The following BRINP3 variants were observed in gnomAD, a reference collection of about 807,000 sequenced individuals.
BRINP3 encodes the protein BMP/retinoic acid-inducible neural-specific protein 3.
A neutral mutation model predicts 71.0 loss-of-function variants in BRINP3; 19 were observed. The observed-to-expected ratio is 0.27, with a 90% confidence interval of 0.19 to 0.39. The LOEUF (loss-of-function observed/expected upper bound fraction) is 0.39. Ranked by LOEUF, BRINP3 falls within the 10% of genes least tolerant of loss-of-function variation. The probability of loss-of-function intolerance (pLI) is 1.00; values close to 1 mark genes in which losing one functional copy is unlikely to be tolerated. For missense variants in BRINP3, 959 were observed against 940.8 expected, an observed-to-expected ratio of 1.02 and a Z score of -0.25; for synonymous variants, 380 against 337.7, an observed-to-expected ratio of 1.13 and a Z score of -1.37.
At position 190,395,672 on chromosome 1, in the gene BRINP3, CA is replaced by C. The variant is rs548315048; in HGVS notation, c.236+58982del. On this transcript the variant is annotated intron_variant, in intron 2 of 7. Transcript: ENST00000367462. The stretch of plus-strand genomic sequence containing the variant: ...CTATTGATAACTGTGTATTTGATTA[CA>C]AAAAACCTACCTTCATTCAACTTCA... 5.3e-5 allele frequency among the ~76,000 whole-genome samples: 8 copies of C among 151,656 alleles called. No individual in the cohort carries two copies. The South Asian group carries it at 6.2e-4, about 12-fold the overall frequency.
intron 4 of BRINP3, among the ~76,000 whole-genome samples, chr1:190,245,939 T>A (rs1204040764): frequency 6.6e-6 from 1 of 151,980 alleles, no homozygotes; most frequent in Admixed American, 6.6e-5. Context: ...GAACTCATCA[T>A]TTTTTATGGC....
At chr1:190,261,177 A>T (rs1378556933) in intron 4 of BRINP3, among the ~76,000 whole-genome samples, 1 of 151,968 alleles carries the variant, frequency 6.6e-6, no homozygotes, top group Non-Finnish European at 1.5e-5. Context: ...TGTTTTTCTC[A>T]TCACCGTCAA....
chr1:190,381,854 T>C (rs1220220650), intron 2 of BRINP3, among the ~76,000 whole-genome samples: 1 of 152,116 alleles, frequency 6.6e-6, no homozygotes, highest in East Asian at 1.9e-4. Context: ...TTCATACAGA[T>C]TACTTGTGGA....
chr1:190,420,591 A>G (rs1467095820), intron 2 of BRINP3, among the ~76,000 whole-genome samples: 1 of 151,966 alleles, frequency 6.6e-6, no homozygotes, highest in African/African-American at 2.4e-5. Flanking sequence ...AATTGTCCAT[A>G]TAACTTTAGT....
rs551327859 is a variant in BRINP3 at position 190,469,098 on chromosome 1, A to G, written c.-51+8350T>C. On this transcript the variant is annotated intron_variant, in intron 1 of 7. Transcript: ENST00000367462. ...TAAATTTCTTTTAATAAAATTAACA[A>G]GTTGTTTAAAAAACTCTCTTTGGAG... 3.7e-3 allele frequency among the ~76,000 whole-genome samples: 558 copies of G among 151,222 alleles called. 5 individuals are homozygous for G. Among genetic ancestry groups the G allele is most frequent in the African/African-American group, 0.013 (534 of 41,496 alleles).
intron 3 of BRINP3, among the ~76,000 whole-genome samples, chr1:190,274,122 C>T (rs1318295593): frequency 1.3e-5 from 2 of 151,472 alleles, no homozygotes; most frequent in Admixed American, 1.3e-4. Flanking sequence ...AGGAGGATGG[C>T]ATGTTGCAAA....
chr1:190,138,288 C>A (rs1655142781), intron 7 of BRINP3, among the ~76,000 whole-genome samples: 1 of 152,034 alleles, frequency 6.6e-6, no homozygotes, highest in Admixed American at 6.6e-5. Flanking sequence ...AGATCCCCAG[C>A]AACCCAACAA....
chr1:190,396,734 A>ATATATATG (rs1174499588), intron 2 of BRINP3, among the ~76,000 whole-genome samples: 1 of 144,130 alleles, frequency 6.9e-6, no homozygotes, highest in East Asian at 2.0e-4. Context: ...ATATATATAT[A>ATATATATG]TATATGTAAC....
intron 4 of BRINP3, among the ~76,000 whole-genome samples, chr1:190,239,343 C>T (rs1293176152): frequency 6.6e-6 from 1 of 152,050 alleles, no homozygotes; most frequent in Admixed American, 6.6e-5. Flanking sequence ...ATGAACAAAT[C>T]TCACAAATAC....
intron 6 of BRINP3, among the ~76,000 whole-genome samples, chr1:190,176,078 A>G (rs1252437188): frequency 6.6e-6 from 1 of 152,178 alleles, no homozygotes; most frequent in East Asian, 1.9e-4. Flanking sequence ...TCAGAACTTA[A>G]CACGTTGCAC....
chr1:190,324,090 A>G (rs1350664898), intron 2 of BRINP3, among the ~76,000 whole-genome samples: 1 of 151,982 alleles, frequency 6.6e-6, no homozygotes, highest in African/African-American at 2.4e-5. Context: ...AGTAGGAAGA[A>G]CACTAGACAT....
At chr1:190,393,363 C>A (rs1263460273) in intron 2 of BRINP3, among the ~76,000 whole-genome samples, 3 of 151,398 alleles carry the variant, frequency 2.0e-5, no homozygotes, top group African/African-American at 4.8e-5. Context: ...CTTCTGCCTT[C>A]GGTGCAATTC....
At chr1:190,321,616 T>C (rs1236233478) in intron 2 of BRINP3, among the ~76,000 whole-genome samples, 1 of 152,178 alleles carries the variant, frequency 6.6e-6, no homozygotes, top group Admixed American at 6.6e-5. Flanking sequence ...ACTGGCTTTA[T>C]ATTTTGACTG....
At chr1:190,169,524 T>C (rs1651833348) in intron 6 of BRINP3, among the ~76,000 whole-genome samples, 1 of 152,164 alleles carries the variant, frequency 6.6e-6, no homozygotes, top group Admixed American at 6.6e-5. Flanking sequence ...ATAAATTCCT[T>C]TCTGCTGCAA....
At chr1:190,236,627 T>A (rs1658545265) in intron 4 of BRINP3, among the ~76,000 whole-genome samples, 1 of 152,074 alleles carries the variant, frequency 6.6e-6, no homozygotes, top group East Asian at 1.9e-4. Flanking sequence ...CCCAACAACT[T>A]TTAATTATTC....
intron 6 of BRINP3, among the ~76,000 whole-genome samples, chr1:190,162,348 A>G (rs969209203): frequency 4.0e-5 from 6 of 151,816 alleles, no homozygotes; most frequent in African/African-American, 1.5e-4. Context: ...AGGCCCAGCT[A>G]CTTTTTTGTA....
Position 190,163,340 on chromosome 1 carries a change from C to T in BRINP3, c.962-2450G>A, listed in dbSNP as rs35370490. 4.4e-3 allele frequency among the ~76,000 whole-genome samples: 661 copies of T among 151,894 alleles called. 3 individuals are homozygous for T. Among genetic ancestry groups the T allele is most frequent in the Non-Finnish European group, 5.9e-3 (404 of 67,908 alleles). ...CTACTTTTGGGGATACATAAATAAG[C>T]CTGTAAAAGAAAACAAATCAATACC... On this transcript the variant is annotated intron_variant, in intron 6 of 7. Coordinates refer to ENST00000367462, the MANE Select transcript of BRINP3 (RefSeq NM_199051.3).
chr1:190,133,703 C>G (rs755825054), intron 7 of BRINP3, among the ~76,000 whole-genome samples: 1 of 152,016 alleles, frequency 6.6e-6, no homozygotes, highest in African/African-American at 2.4e-5. Flanking sequence ...AATATGCATA[C>G]TTGTACATCA....
chr1:190,142,194 A>G (rs1431121017), intron 7 of BRINP3, among the ~76,000 whole-genome samples: 5 of 152,178 alleles, frequency 3.3e-5, no homozygotes, highest in Admixed American at 3.3e-4. Context: ...TCAGAAAAAA[A>G]GTGCTTGCCT....
Sources: allele counts gnomAD v4.1 joint callset (sites outside exome capture counted in the v4.1 genomes callset), GRCh38; gene constraint gnomAD v4.1.1; transcripts MANE v1.5; gene names NCBI Gene and HGNC (gene_info 2026-07-23, HGNC 2026-07-21).